RAPGEF4: variants seen among roughly 807,000 people sequenced by gnomAD.
The protein encoded by RAPGEF4 is RAP guanine-nucleotide-exchange factor (GEF) 4.
A neutral mutation model predicts 147.9 loss-of-function variants in RAPGEF4; 66 were observed. The ratio of observed to expected loss-of-function variants is 0.45; its 90% confidence interval spans 0.37 to 0.55. RAPGEF4 has a LOEUF of 0.55. Ranked by LOEUF, RAPGEF4 falls within the 20% of genes least tolerant of loss-of-function variation. The probability of loss-of-function intolerance (pLI) is 0.00; values close to 1 mark genes in which losing one functional copy is unlikely to be tolerated. For synonymous variants in RAPGEF4, 419 were observed against 442.7 expected (o/e 0.95, Z 0.67); for missense variants, 1,071 against 1,257.3 (o/e 0.85, Z 2.24).
intron 1 of RAPGEF4, among the ~76,000 whole-genome samples, chr2:172,779,423 C>A (rs936814198): frequency 6.6e-6 from 1 of 151,970 alleles, no homozygotes; most frequent in Non-Finnish European, 1.5e-5. Flanking sequence ...AAATAGTATC[C>A]CTGGCAGAAG....
chr2:172,786,168 T>G (rs1685177946), intron 1 of RAPGEF4, among the ~76,000 whole-genome samples: 1 of 152,144 alleles, frequency 6.6e-6, no homozygotes, highest in South Asian at 2.1e-4. Context: ...ATGTCCACAT[T>G]GCATAATGCA....
At chr2:172,917,971 T>G in intron 5 of RAPGEF4, 97 bp downstream of exon 5, 1 of 1,028,880 alleles carries the variant, frequency 9.7e-7, no homozygotes, top group South Asian at 1.3e-5. Context: ...CTTGTCAGAG[T>G]AAGTCTCCAG....
intron 13 of RAPGEF4, 55 bp from the exon 14 acceptor site, chr2:172,988,638 G>A (rs1228723493): frequency 3.3e-6 from 5 of 1,534,434 alleles, no homozygotes; most frequent in Admixed American, 1.7e-5. Context: ...AGGAGGTGGT[G>A]GGTGTTTGCT....
At chr2:172,945,900 A>T (rs1311180153) in intron 6 of RAPGEF4, among the ~76,000 whole-genome samples, 1 of 152,172 alleles carries the variant, frequency 6.6e-6, no homozygotes, top group Admixed American at 6.5e-5. Flanking sequence ...GTTACCTTCA[A>T]TGCAAGCTTC....
intron 14 of RAPGEF4, 104 bp from the exon 15 acceptor site, chr2:172,990,705 AC>A (rs1692744606): frequency 1.3e-6 from 1 of 759,858 alleles, no homozygotes; most frequent in African/African-American, 1.8e-5. Flanking sequence ...TGTAGACGCA[AC>A]AATTAGCATG....
At chr2:173,006,967 T>A (rs146755275) in intron 17 of RAPGEF4, among the ~76,000 whole-genome samples, 2 of 152,312 alleles carry the variant, frequency 1.3e-5, no homozygotes, top group African/African-American at 4.8e-5. Flanking sequence ...CTTTGTTTGG[T>A]GATGTTATGA....
At chr2:172,860,324 T>A (rs1693885692) in intron 4 of RAPGEF4, 1 of 985,358 alleles carries the variant, frequency 1.0e-6, no homozygotes, top group Admixed American at 6.1e-5. Flanking sequence ...GTTTTATCCA[T>A]GTATTTAGCA....
At chr2:172,743,477 A>T (rs1694486686) in intron 1 of RAPGEF4, among the ~76,000 whole-genome samples, 1 of 152,098 alleles carries the variant, frequency 6.6e-6, no homozygotes, top group South Asian at 2.1e-4. Flanking sequence ...AACTGCTCAG[A>T]TTCCTTAAAC....
At position 172,864,611 on chromosome 2, in the gene RAPGEF4, A is replaced by G. The variant is rs1036506485; in HGVS notation, c.444+50186A>G. On this transcript the variant is annotated intron_variant, in intron 4 of 30. Coordinates refer to ENST00000397081, the MANE Select transcript of RAPGEF4 (RefSeq NM_007023.4). ...TGGTTCTCCCAATCATTCATTCAGT[A>G]AGGAGTTATTGGCCGGGCACAGCGG... Among the ~76,000 whole-genome samples the G allele has an allele frequency of 5.3e-5, 8 of 152,200 alleles. No homozygotes were observed. In the South Asian group the frequency reaches 1.2e-3, roughly 24 times the overall value.
chr2:172,838,318 T>G (rs974342995), intron 4 of RAPGEF4, among the ~76,000 whole-genome samples: 4 of 152,010 alleles, frequency 2.6e-5, no homozygotes, highest in African/African-American at 9.7e-5. Context: ...AAGATCAGAG[T>G]CATGGTAATG....
At chr2:172,900,064 G>C (rs1698909174) in intron 4 of RAPGEF4, among the ~76,000 whole-genome samples, 1 of 152,182 alleles carries the variant, frequency 6.6e-6, no homozygotes, top group Admixed American at 6.5e-5. Flanking sequence ...TGACAGTGGG[G>C]ACAGAGTTCC....
At chr2:172,989,719 T>G (rs1480643694) in intron 14 of RAPGEF4, among the ~76,000 whole-genome samples, 1 of 152,204 alleles carries the variant, frequency 6.6e-6, no homozygotes, top group Admixed American at 6.5e-5. Context: ...CGCCCTAGCT[T>G]GAGTTCACTC....
chr2:172,823,518 G>A (rs1295341227), intron 4 of RAPGEF4, among the ~76,000 whole-genome samples: 1 of 152,202 alleles, frequency 6.6e-6, no homozygotes. Context: ...GAAGGAACTC[G>A]TGGTGAGGAC....
At chr2:172,767,577 G>C (rs748628262) in intron 1 of RAPGEF4, among the ~76,000 whole-genome samples, 12 of 152,296 alleles carry the variant, frequency 7.9e-5, no homozygotes, top group Non-Finnish European at 1.6e-4. Context: ...GCCCACTAAA[G>C]AAAAATAACC....
chr2:172,905,877 G>A (rs1307904797), intron 4 of RAPGEF4, among the ~76,000 whole-genome samples: 1 of 152,230 alleles, frequency 6.6e-6, no homozygotes, highest in Non-Finnish European at 1.5e-5. Flanking sequence ...CAGGAACAAG[G>A]AAACAGAATA....
At chr2:172,803,311 G>A (rs936103110) in intron 3 of RAPGEF4, among the ~76,000 whole-genome samples, 5 of 152,208 alleles carry the variant, frequency 3.3e-5, no homozygotes, top group African/African-American at 7.2e-5. Context: ...CTAGGCAGAG[G>A]TTCCCAAACC....
chr2:172,869,875 T>C (rs2357950), intron 4 of RAPGEF4, among the ~76,000 whole-genome samples: 148,794 of 152,270 alleles, frequency 0.98, 72,779 homozygotes, highest in East Asian at 1. Context: ...AGTGTCTTTT[T>C]ATATGGGCTG....
chr2:172,763,137 C>T (rs1003853256), intron 1 of RAPGEF4, among the ~76,000 whole-genome samples: 7 of 152,192 alleles, frequency 4.6e-5, no homozygotes, highest in Non-Finnish European at 1.0e-4. Context: ...ATATGAAGCT[C>T]TCAAATCCCA....
chr2:172,953,970 T>G (rs1688477975), intron 6 of RAPGEF4, among the ~76,000 whole-genome samples: 1 of 152,174 alleles, frequency 6.6e-6, no homozygotes, highest in Non-Finnish European at 1.5e-5. Flanking sequence ...ACTCCTAAAG[T>G]CTTTTCCCTA....
Sources: gnomAD v4.1 joint callset for allele counts (sites outside exome capture counted in the v4.1 genomes callset) on GRCh38, gnomAD v4.1.1 for gene constraint, MANE v1.5 for transcripts, NCBI Gene and HGNC (gene_info 2026-07-23, HGNC 2026-07-21) for gene names.